The following ERBB4 variants were observed in gnomAD, a reference collection of about 807,000 sequenced individuals.
The protein encoded by ERBB4 is erb-b2 receptor tyrosine kinase 4.
A neutral mutation model predicts 158.0 loss-of-function variants in ERBB4; 42 were observed. That is an observed-to-expected ratio of 0.27 (90% CI 0.21 to 0.34). ERBB4 has a LOEUF of 0.34. ERBB4 is among the 10% of genes least tolerant of loss of function. ERBB4 has a pLI of 1.00. For synonymous variants in ERBB4, 583 were observed against 558.7 expected (o/e 1.04, Z -0.61); for missense variants, 1,333 against 1,624.1 (o/e 0.82, Z 3.08).
intron 20 of ERBB4, among the ~76,000 whole-genome samples, chr2:211,543,855 AG>A (rs2066875985): frequency 6.6e-6 from 1 of 151,628 alleles, no homozygotes. Flanking sequence ...AAAAAAAAAA[AG>A]AAAAAGAAAA....
At chr2:211,674,515 T>C (rs763189098) in intron 13 of ERBB4, among the ~76,000 whole-genome samples, 3 of 152,134 alleles carry the variant, frequency 2.0e-5, no homozygotes, top group East Asian at 1.9e-4. Flanking sequence ...TGCACATATA[T>C]TGAGTTACAT....
chr2:212,117,074 C>T (rs1265868796), intron 2 of ERBB4, among the ~76,000 whole-genome samples: 6 of 152,114 alleles, frequency 3.9e-5, no homozygotes, highest in Non-Finnish European at 5.9e-5. Flanking sequence ...TTATCTTTAA[C>T]GGCCTTAGAA....
chr2:212,080,503 C>T (rs893083012), intron 2 of ERBB4, among the ~76,000 whole-genome samples: 5 of 151,264 alleles, frequency 3.3e-5, no homozygotes, highest in East Asian at 1.9e-4. Flanking sequence ...CCATCCATTA[C>T]GAATGTGTTT....
chr2:211,643,712 C>A (rs1267286623), intron 16 of ERBB4, among the ~76,000 whole-genome samples: 1 of 151,962 alleles, frequency 6.6e-6, no homozygotes, highest in Non-Finnish European at 1.5e-5. Context: ...ATTGACTAGG[C>A]TTTACGTGTA....
At chr2:212,003,197 GAA>G (rs1559293591) in intron 2 of ERBB4, among the ~76,000 whole-genome samples, 2 of 58,850 alleles carry the variant, frequency 3.4e-5, no homozygotes, top group Non-Finnish European at 4.4e-5. Flanking sequence ...AAGAAAGAAA[GAA>G]AGAAAGACAG....
chr2:211,619,363 C>T (rs1486821376), intron 18 of ERBB4, 88 bp from the exon 19 acceptor site: 1 of 773,086 alleles, frequency 1.3e-6, no homozygotes, highest in Non-Finnish European at 2.3e-6. Context: ...TTATAACATT[C>T]AATCAACAAA....
intron 3 of ERBB4, among the ~76,000 whole-genome samples, chr2:211,888,573 G>C (rs1005636885): frequency 1.3e-5 from 2 of 152,098 alleles, no homozygotes; most frequent in Non-Finnish European, 2.9e-5. Flanking sequence ...GAACAGCTCC[G>C]GTCTACAGCT....
chr2:212,268,726 A>G (rs1221854747), intron 1 of ERBB4, among the ~76,000 whole-genome samples: 1 of 151,868 alleles, frequency 6.6e-6, no homozygotes, highest in Non-Finnish European at 1.5e-5. Context: ...GTTTTCCAAT[A>G]ACACTTTATT....
chr2:212,364,225 G>T (rs2089797207), intron 1 of ERBB4, among the ~76,000 whole-genome samples: 2 of 151,828 alleles, frequency 1.3e-5, no homozygotes, highest in Admixed American at 1.3e-4. Context: ...GGAGATGGGA[G>T]AATACCCGGG....
intron 12 of ERBB4, among the ~76,000 whole-genome samples, chr2:211,695,792 AT>A (rs1413514168): frequency 6.6e-6 from 1 of 152,114 alleles, no homozygotes; most frequent in African/African-American, 2.4e-5. Flanking sequence ...CCCAAAAGGC[AT>A]TTTTTCATAA....
chr2:211,841,164 C>A (rs2077461286), intron 3 of ERBB4, among the ~76,000 whole-genome samples: 1 of 151,908 alleles, frequency 6.6e-6, no homozygotes, highest in Non-Finnish European at 1.5e-5. Flanking sequence ...AATCAAGAAT[C>A]TTATAATTTC....
chr2:211,468,638 C>T (rs1477321747), intron 20 of ERBB4, among the ~76,000 whole-genome samples: 1 of 152,044 alleles, frequency 6.6e-6, no homozygotes, highest in Non-Finnish European at 1.5e-5. Flanking sequence ...AGTCTAAGGA[C>T]TTTGAGCAAA....
At chr2:212,062,804 A>G (rs1039013849) in intron 2 of ERBB4, among the ~76,000 whole-genome samples, 21 of 152,134 alleles carry the variant, frequency 1.4e-4, no homozygotes, top group African/African-American at 5.1e-4. Flanking sequence ...AAAAGGACAT[A>G]ATGAACACAT....
At chr2:212,342,318 C>G (rs2106322178) in intron 1 of ERBB4, among the ~76,000 whole-genome samples, 1 of 152,236 alleles carries the variant, frequency 6.6e-6, no homozygotes, top group East Asian at 1.9e-4. Context: ...TGGGAGATAA[C>G]TGAATCATGG....
At chr2:212,210,778 T>C (rs1373179391) in intron 1 of ERBB4, among the ~76,000 whole-genome samples, 2 of 152,154 alleles carry the variant, frequency 1.3e-5, no homozygotes, top group Non-Finnish European at 2.9e-5. Flanking sequence ...CTGTTTATTC[T>C]GGAAATACTC....
intron 1 of ERBB4, among the ~76,000 whole-genome samples, chr2:212,410,357 G>A (rs1168533150): frequency 6.6e-6 from 1 of 151,852 alleles, no homozygotes; most frequent in East Asian, 1.9e-4. Context: ...CAAATAAGTT[G>A]TTTTATTTTT....
Position 212,361,519 on chromosome 2 carries a change from C to T in ERBB4, c.82+176930G>A, listed in dbSNP as rs534868708. Among the ~76,000 whole-genome samples the T allele has an allele frequency of 2.6e-3, 397 of 151,760 alleles. 2 individuals are homozygous for T. Among genetic ancestry groups the T allele is most frequent in the Non-Finnish European group, 4.2e-3 (286 of 67,744 alleles). Reference sequence around the variant, plus strand: ...TTACTCTGTAAAAGTAATGTTATGGCAGATTAATTCTTTTACTGGCACTCT... The same window carrying T: ...TTACTCTGTAAAAGTAATGTTATGGTAGATTAATTCTTTTACTGGCACTCT... On this transcript the variant is annotated intron_variant, in intron 1 of 27. Transcript: ENST00000342788.
At chr2:212,195,478 AAATT>A (rs565468444) in intron 1 of ERBB4, among the ~76,000 whole-genome samples, 18 of 144,448 alleles carry the variant, frequency 1.2e-4, no homozygotes, top group Admixed American at 1.2e-3. Context: ...TTTTAAATTT[AAATT>A]AATTAAATAA....
intron 3 of ERBB4, among the ~76,000 whole-genome samples, chr2:211,896,317 A>C (rs2125019254): frequency 6.6e-6 from 1 of 152,210 alleles, no homozygotes; most frequent in African/African-American, 2.4e-5. Flanking sequence ...TTTCATCTCT[A>C]TTTGTTATTT....
Sources: gnomAD v4.1 joint callset for allele counts (sites outside exome capture counted in the v4.1 genomes callset) on GRCh38, gnomAD v4.1.1 for gene constraint, MANE v1.5 for transcripts, NCBI Gene and HGNC (gene_info 2026-07-23, HGNC 2026-07-21) for gene names.